The following ANKS1B variants were observed in gnomAD, a reference collection of about 807,000 sequenced individuals.
The protein encoded by ANKS1B is ankyrin repeat and sterile alpha motif domain-containing protein 1B.
ANKS1B carries 36 observed loss-of-function variants against 148.3 expected under a neutral mutation model. The observed-to-expected ratio is 0.24, with a 90% CI of 0.19 to 0.32. The LOEUF is 0.32. ANKS1B is among the 10% of genes least tolerant of loss of function. ANKS1B has a pLI of 1.00. For missense variants in ANKS1B, 1,157 were observed against 1,542.6 expected, an observed-to-expected ratio of 0.75 and a Z score of 4.19; for synonymous variants, 542 against 560.8, an observed-to-expected ratio of 0.97 and a Z score of 0.47.
At chr12:98,811,870 T>A (rs888539406) in intron 19 of ANKS1B, among the ~76,000 whole-genome samples, 1 of 152,042 alleles carries the variant, frequency 6.6e-6, no homozygotes, top group African/African-American at 2.4e-5. Flanking sequence ...GATCTTCCAA[T>A]AGTGAATAGA....
intron 1 of ANKS1B, among the ~76,000 whole-genome samples, chr12:99,881,388 A>G (rs528270589): frequency 2.1e-4 from 32 of 152,334 alleles, no homozygotes; most frequent in Admixed American, 1.8e-3. Context: ...CTTGGATAGA[A>G]GTGTAGTCCA....
intron 5 of ANKS1B, among the ~76,000 whole-genome samples, chr12:99,780,298 C>T (rs754584215): frequency 1.1e-4 from 16 of 151,286 alleles, no homozygotes; most frequent in East Asian, 7.8e-4. Context: ...TTTTTTGAGA[C>T]GGAGTCTCAC....
At chr12:99,752,248 G>A (rs774117897) in intron 8 of ANKS1B, among the ~76,000 whole-genome samples, 4 of 151,774 alleles carry the variant, frequency 2.6e-5, no homozygotes, top group Non-Finnish European at 5.9e-5. Flanking sequence ...TATCTGTCAG[G>A]CAACATCCCA....
intron 10 of ANKS1B, 105 bp from the exon 11 acceptor site, chr12:99,443,914 G>A: frequency 7.8e-7 from 1 of 1,290,144 alleles, no homozygotes; most frequent in Non-Finnish European, 1.1e-6. Context: ...TTTTAAAACT[G>A]GTATCAATTA....
chr12:99,979,880 T>C (rs2095672742), intron 1 of ANKS1B, among the ~76,000 whole-genome samples: 1 of 152,030 alleles, frequency 6.6e-6, no homozygotes, highest in East Asian at 1.9e-4. Context: ...AAATTTATAC[T>C]AAGTTGAAGA....
At chr12:99,486,785 G>A (rs145566757) in intron 10 of ANKS1B, among the ~76,000 whole-genome samples, 8 of 152,082 alleles carry the variant, frequency 5.3e-5, no homozygotes, top group African/African-American at 7.2e-5. Flanking sequence ...TATGCAGATC[G>A]GATAGGCACC....
chr12:99,688,032 G>A (rs1285063858), intron 8 of ANKS1B, among the ~76,000 whole-genome samples: 1 of 151,988 alleles, frequency 6.6e-6, no homozygotes, highest in Non-Finnish European at 1.5e-5. Flanking sequence ...CTTTTTTCAA[G>A]GCCACATTAT....
chr12:99,077,630 G>C (rs756809321), intron 16 of ANKS1B, among the ~76,000 whole-genome samples: 1 of 152,154 alleles, frequency 6.6e-6, no homozygotes, highest in Non-Finnish European at 1.5e-5. Context: ...ACACATCTGC[G>C]TCAACCATCA....
intron 12 of ANKS1B, among the ~76,000 whole-genome samples, chr12:99,264,331 T>C (rs1378800496): frequency 6.6e-6 from 1 of 152,134 alleles, no homozygotes; most frequent in African/African-American, 2.4e-5. Context: ...TGTTTTATCT[T>C]TTCTCTTGTA....
chr12:99,402,971 C>T (rs1288608769), intron 11 of ANKS1B, among the ~76,000 whole-genome samples: 1 of 144,694 alleles, frequency 6.9e-6, no homozygotes, highest in Admixed American at 6.9e-5. Flanking sequence ...CCACAACCTT[C>T]CCAGCATGTG....
At chr12:99,840,246 A>C (rs2085500258) in intron 1 of ANKS1B, among the ~76,000 whole-genome samples, 1 of 152,132 alleles carries the variant, frequency 6.6e-6, no homozygotes, top group South Asian at 2.1e-4. Context: ...TTTAGGAAGA[A>C]ATGGGCTTAA....
intron 14 of ANKS1B, among the ~76,000 whole-genome samples, chr12:99,222,603 G>A (rs766023510): frequency 5.3e-5 from 8 of 152,138 alleles, no homozygotes; most frequent in South Asian, 2.1e-4. Context: ...ATGACAGAGC[G>A]AGACCCTGTC....
At chr12:99,129,099 C>A (rs918149726) in intron 15 of ANKS1B, among the ~76,000 whole-genome samples, 1 of 152,074 alleles carries the variant, frequency 6.6e-6, no homozygotes, top group East Asian at 1.9e-4. Flanking sequence ...GAGGTCCAGT[C>A]TGAGGGTAAA....
chr12:99,501,844 C>A (rs544268548), intron 10 of ANKS1B, among the ~76,000 whole-genome samples: 2 of 152,286 alleles, frequency 1.3e-5, no homozygotes, highest in South Asian at 4.1e-4. Context: ...TTATTTCTTA[C>A]TAACCAACTA....
At chr12:99,977,791 T>C (rs538139112) in intron 1 of ANKS1B, among the ~76,000 whole-genome samples, 9 of 152,330 alleles carry the variant, frequency 5.9e-5, no homozygotes, top group African/African-American at 1.9e-4. Flanking sequence ...AACTGGAAGA[T>C]AGAAGCGTCT....
chr12:98,999,975 C>T (rs1371645992), intron 17 of ANKS1B, among the ~76,000 whole-genome samples: 1 of 152,084 alleles, frequency 6.6e-6, no homozygotes, highest in Non-Finnish European at 1.5e-5. Flanking sequence ...CTTCCTAACT[C>T]TTTAGAAGCC....
chr12:99,937,999 C>T (rs1455320972), intron 1 of ANKS1B, among the ~76,000 whole-genome samples: 1 of 152,010 alleles, frequency 6.6e-6, no homozygotes, highest in Admixed American at 6.6e-5. Context: ...CCTCATAATC[C>T]CCATTTCCTA....
Position 98,762,732 on chromosome 12 carries a change from C to A in ANKS1B, c.3579+10310G>T, listed in dbSNP as rs61933565. The stretch of plus-strand genomic sequence containing the variant: ...GGCTAAGTTAGGTGCCCCTCCTCTG[C>A]GGTGCCACAATACCTTGGGCACAGC... On this transcript the variant is annotated intron_variant, in intron 25 of 26. Coordinates refer to ENST00000683438, the MANE Select transcript of ANKS1B (RefSeq NM_001352186.2). Among the ~76,000 whole-genome samples the A allele has an allele frequency of 2.6e-5, 4 of 152,240 alleles. No homozygotes were observed. The East Asian group carries it at 7.7e-4, about 29-fold the overall frequency.
intron 12 of ANKS1B, among the ~76,000 whole-genome samples, chr12:99,290,321 C>T (rs1174002745): frequency 6.7e-6 from 1 of 148,854 alleles, no homozygotes; most frequent in African/African-American, 2.5e-5. Flanking sequence ...CTGATGGCTT[C>T]ACTGCTAAAT....
Sources: allele counts gnomAD v4.1 joint callset (sites outside exome capture counted in the v4.1 genomes callset), GRCh38; gene constraint gnomAD v4.1.1; transcripts MANE v1.5; gene names NCBI Gene and HGNC (gene_info 2026-07-23, HGNC 2026-07-21).